Variants in OSTM1 observed in about 807,000 individuals in gnomAD.
OSTM1 encodes osteopetrosis-associated transmembrane protein 1.
OSTM1 carries 26 observed loss-of-function variants against 35.4 expected under a neutral mutation model. The observed-to-expected ratio is 0.73, with a 90% CI of 0.54 to 1.02. The LOEUF (loss-of-function observed/expected upper bound fraction) is 1.02. Ranked by LOEUF, OSTM1 falls within the 50% of genes least tolerant of loss-of-function variation. The pLI is 0.00. For missense variants in OSTM1, 366 were observed against 409.6 expected (o/e 0.89, Z 0.92); for synonymous variants, 181 against 165.0 (o/e 1.10, Z -0.75).
At chr6:108,064,385 CATTT>C (rs1465092077) in intron 1 of OSTM1, 86 bp from the exon 2 acceptor site, 10 of 755,348 alleles carry the variant, frequency 1.3e-5, no homozygotes, top group East Asian at 5.1e-5. Flanking sequence ...ACAAAAATAA[CATTT>C]ATTATAAGCT....
At chr6:108,068,051 G>A (rs747175117) in intron 1 of OSTM1, among the ~76,000 whole-genome samples, 2 of 152,024 alleles carry the variant, frequency 1.3e-5, no homozygotes. Context: ...ACTCTTGTTA[G>A]TGTCACCAAT....
chr6:108,065,352 G>C (rs879351264), intron 1 of OSTM1, among the ~76,000 whole-genome samples: 6 of 149,920 alleles, frequency 4.0e-5, no homozygotes, highest in Admixed American at 6.7e-5. Flanking sequence ...CGATCCTCCT[G>C]CCTTAGCCGC....
chr6:108,055,216 G>A (rs1022041070), intron 2 of OSTM1, among the ~76,000 whole-genome samples: 3 of 152,030 alleles, frequency 2.0e-5, no homozygotes, highest in Non-Finnish European at 4.4e-5. Context: ...GGCTATTCTT[G>A]CTTAGAGTTA....
chr6:108,050,096 AT>A (rs932884196), intron 4 of OSTM1, among the ~76,000 whole-genome samples: 1 of 151,990 alleles, frequency 6.6e-6, no homozygotes, highest in Non-Finnish European at 1.5e-5. Context: ...AGAAAAAAAA[AT>A]TTTTTTTGAC....
At chr6:108,048,219 G>T (rs1002967533) in intron 5 of OSTM1, among the ~76,000 whole-genome samples, 45 of 152,160 alleles carry the variant, frequency 3.0e-4, no homozygotes, top group African/African-American at 1.1e-3. Context: ...ATAGGGAAAA[G>T]AATTTTTATA....
chr6:108,049,944 A>G (rs577411126), intron 4 of OSTM1, among the ~76,000 whole-genome samples: 1 of 152,362 alleles, frequency 6.6e-6, no homozygotes, highest in East Asian at 1.9e-4. Context: ...TCTTAAGCTC[A>G]TTAATTCTGA....
chr6:108,074,325 C>A lies in OSTM1; in HGVS notation c.327G>T (p.Val109=). 1 of 1,611,796 alleles carries A rather than the reference C, an allele frequency of 6.2e-7. No homozygotes were observed. The highest frequency in any genetic ancestry group is 8.5e-7 in the Non-Finnish European group (1 of 1,179,752). ...TGCLVRSARP[V]RLCQTCYPLF... is the part of the protein sequence containing the mutation. ...GGGGGTAGCAGGTCTGACAGAGGCG[C>A]ACGGGCCGGGCGCTGCGCACCAGAC... The change falls in exon 1 of 6, where the codon GTG becomes GTT. Residue 109 remains valine (V), a synonymous_variant. Coordinates refer to ENST00000193322, the MANE Select transcript of OSTM1 (RefSeq NM_014028.4).
At chr6:108,049,549 T>C in intron 4 of OSTM1, 131 bp from the exon 5 acceptor site, 1 of 1,484,350 alleles carries the variant, frequency 6.7e-7, no homozygotes, top group Non-Finnish European at 8.9e-7. Flanking sequence ...AACCTACTGA[T>C]AGTTGAGGAC....
chr6:108,074,584 A>T lies in OSTM1; in HGVS notation c.68T>A (p.Leu23Gln), dbSNP rs759517954. The change falls in exon 1 of 6, where the codon CTG becomes CAG. Residue 23 changes from leucine (L) to glutamine (Q), a missense_variant. By Grantham distance (113) the Leu-to-Gln change is moderately radical. Transcript: ENST00000193322. ...SLPPWLPLGL[L>Q]LWSGLALGAL... ...GCCCAGGGCCAGCCCCGACCACAGCAGCAGCCCCAGCGGCAGCCACGGCGG... is the reference window on the plus strand; with the variant it reads ...GCCCAGGGCCAGCCCCGACCACAGCTGCAGCCCCAGCGGCAGCCACGGCGG... 10 of 1,565,466 alleles carry T rather than the reference A, an allele frequency of 6.4e-6. No homozygotes were observed. Among genetic ancestry groups the T allele is most frequent in the Admixed American group, 5.5e-5 (3 of 54,620 alleles).
At chr6:108,063,330 T>C (rs1355347490) in intron 2 of OSTM1, among the ~76,000 whole-genome samples, 1 of 152,238 alleles carries the variant, frequency 6.6e-6, no homozygotes, top group Non-Finnish European at 1.5e-5. Flanking sequence ...CTCTACTTAT[T>C]GAAATCATGT....
At chr6:108,065,472 A>G (rs1230722856) in intron 1 of OSTM1, among the ~76,000 whole-genome samples, 1 of 151,738 alleles carries the variant, frequency 6.6e-6, no homozygotes, top group Non-Finnish European at 1.5e-5. Flanking sequence ...TCCTGACCTC[A>G]GACGATCCAC....
Position 108,074,253 on chromosome 6 carries a change from C to G in OSTM1, c.399G>C (p.Ala133=). 6.2e-7 allele frequency: 1 copy of G among 1,612,098 alleles called. No individual in the cohort carries two copies. The highest frequency in any genetic ancestry group is 8.5e-7 in the Non-Finnish European group (1 of 1,179,934). The part of the protein sequence containing the change: ...VSKMDNISRA[A]GNTSESQSCA... ...CCGGACGTGGTCCTGTACCCACCCC[C>G]GCGGCTCGGCTGATGTTGTCCATCT... The change falls in exon 1 of 6, where the codon GCG becomes GCC. Residue 133 remains alanine (A), a synonymous_variant. Coordinates refer to ENST00000193322, the MANE Select transcript of OSTM1 (RefSeq NM_014028.4).
At chr6:108,057,214 G>A (rs74727598) in intron 2 of OSTM1, among the ~76,000 whole-genome samples, 6,193 of 152,266 alleles carry the variant, frequency 0.041, 432 homozygotes, top group Admixed American at 0.19. Context: ...GCATGAAAGA[G>A]TAAGAACTTG....
intron 5 of OSTM1, 27 bp downstream of exon 5, chr6:108,049,226 T>C (rs766077720): frequency 8.6e-6 from 13 of 1,519,988 alleles, no homozygotes; most frequent in Non-Finnish European, 1.2e-5. Flanking sequence ...CTTTTATCTA[T>C]AAAATAAATA....
Position 108,044,795 on chromosome 6 carries a change from T to C in OSTM1, c.995A>G (p.Asn332Ser). 6.3e-7 allele frequency: 1 copy of C among 1,574,804 alleles called. No homozygotes were observed. The part of the protein sequence containing the change: ...SSTSFANIQE[N>S]SN The stretch of plus-strand genomic sequence containing the variant: ...TCCATTTTGTAGGTCTCAGTTTGAA[T>C]TTTCCTGAATATTTGCAAAACTGGT... The change falls in exon 6 of 6, where the codon AAT becomes AGT. Residue 332 changes from asparagine to serine, a missense_variant. Asn to Ser is a conservative substitution (Grantham distance 46). Transcript: ENST00000193322.
intron 2 of OSTM1, among the ~76,000 whole-genome samples, chr6:108,055,149 A>G (rs1772148305): frequency 6.6e-6 from 1 of 152,244 alleles, no homozygotes; most frequent in South Asian, 2.1e-4. Flanking sequence ...TAAAGTCTAG[A>G]AACAAAATTG....
Position 108,074,604 on chromosome 6 carries a change from C to A in OSTM1, c.48G>T (p.Pro16=), listed in dbSNP as rs1443822666. 6.4e-7 allele frequency: 1 copy of A among 1,565,214 alleles called. No homozygotes were observed. The highest frequency in any genetic ancestry group is 1.8e-5 in the Admixed American group (1 of 55,080). The change falls in exon 1 of 6, where the codon CCG becomes CCT. Residue 16 remains proline, a synonymous_variant. Transcript: ENST00000193322. ...ACAGCAGCAGCCCCAGCGGCAGCCACGGCGGCAACGAACACCTCCGCTGCG... is the reference window on the plus strand; with the variant it reads ...ACAGCAGCAGCCCCAGCGGCAGCCAAGGCGGCAACGAACACCTCCGCTGCG... ...TAAQRRCSLP[P]WLPLGLLLWS... is the part of the protein sequence containing the mutation.
chr6:108,056,468 C>T (rs556561763), intron 2 of OSTM1, among the ~76,000 whole-genome samples: 1 of 152,314 alleles, frequency 6.6e-6, no homozygotes, highest in South Asian at 2.1e-4. Context: ...CCTCCACTAC[C>T]CATAGATATC....
chr6:108,049,567 T>C (rs1443465902), intron 4 of OSTM1, 149 bp from the exon 5 acceptor site: 1 of 1,447,384 alleles, frequency 6.9e-7, no homozygotes, highest in Non-Finnish European at 9.0e-7. Flanking sequence ...GACAACTTCT[T>C]CTGCCAGGAA....
Sources: gnomAD v4.1 joint callset for allele counts (sites outside exome capture counted in the v4.1 genomes callset) on GRCh38, gnomAD v4.1.1 for gene constraint, MANE v1.5 for transcripts, NCBI Gene and HGNC (gene_info 2026-07-23, HGNC 2026-07-21) for gene names.